The following PCDHA3 variants were observed in gnomAD, a reference collection of about 807,000 sequenced individuals.
PCDHA3 encodes the protein protocadherin alpha-3.
In PCDHA3, 41 loss-of-function variants were observed where a neutral mutation model predicts 62.2. That is an observed-to-expected ratio of 0.66 (90% CI 0.51 to 0.86). The LOEUF (loss-of-function observed/expected upper bound fraction) is 0.86. Ranked by LOEUF, PCDHA3 falls within the 40% of genes least tolerant of loss-of-function variation. The pLI, the probability that PCDHA3 is intolerant of heterozygous loss-of-function variation, is 0.00. For synonymous variants in PCDHA3, 640 were observed against 555.4 expected (o/e 1.15, Z -2.14); for missense variants, 1,304 against 1,241.2 (o/e 1.05, Z -0.76).
chr5:140,854,848 A>C (rs1384152430), intron 1 of PCDHA3, among the ~76,000 whole-genome samples: 2 of 149,876 alleles, frequency 1.3e-5, no homozygotes, highest in African/African-American at 4.9e-5. Flanking sequence ...ACATTGATAA[A>C]ATTACTAGAT....
intron 1 of PCDHA3, among the ~76,000 whole-genome samples, chr5:140,895,618 T>C (rs569188891): frequency 1.1e-4 from 16 of 152,206 alleles, no homozygotes; most frequent in African/African-American, 3.9e-4. Context: ...TCATTGAGGG[T>C]GTTGTCTTTT....
At chr5:141,004,013 G>C (rs1327248207) in intron 3 of PCDHA3, among the ~76,000 whole-genome samples, 4 of 152,124 alleles carry the variant, frequency 2.6e-5, no homozygotes, top group African/African-American at 9.7e-5. Context: ...AGGCAGCACT[G>C]AAAGAAGAAA....
chr5:140,803,808 G>T (rs1217237493), intron 1 of PCDHA3: 2 of 748,334 alleles, frequency 2.7e-6, no homozygotes, highest in Non-Finnish European at 4.2e-6. Context: ...TTGTAATTTT[G>T]TTTTGTTATT....
chr5:140,911,941 T>C (rs1554195035), intron 1 of PCDHA3, among the ~76,000 whole-genome samples: 1 of 152,132 alleles, frequency 6.6e-6, no homozygotes, highest in Non-Finnish European at 1.5e-5. Flanking sequence ...TAGATGTATA[T>C]ATAAAGGGGA....
rs573174481 is a variant in PCDHA3 at position 140,990,482 on chromosome 5, T to C, written c.2542+7919T>C. Among the ~76,000 whole-genome samples, 3 of 152,318 alleles carry C rather than the reference T, an allele frequency of 2.0e-5. No homozygotes were observed. In the South Asian group the frequency reaches 6.2e-4, roughly 32 times the overall value. On this transcript the variant is annotated intron_variant, in intron 3 of 3. Transcript: ENST00000522353. ...AGGTGGTATCATGTATCAAGCTGAA[T>C]AGTGAGGTGACATTCCCCAAGTCTT... is the stretch of plus-strand genomic sequence containing the variant.
chr5:140,869,028 G>T, intron 1 of PCDHA3: 1 of 1,526,584 alleles, frequency 6.6e-7, no homozygotes, highest in Middle Eastern at 1.8e-4. Context: ...AATTCAACGA[G>T]ATTTTTAACC....
At chr5:140,927,059 G>T (rs2153586396) in intron 1 of PCDHA3, 1 of 1,611,324 alleles carries the variant, frequency 6.2e-7, no homozygotes, top group Middle Eastern at 1.7e-4. Flanking sequence ...CGGAACTTTC[G>T]CTTCCTTTCC....
At chr5:140,959,524 C>T (rs187530929) in intron 1 of PCDHA3, among the ~76,000 whole-genome samples, 1 of 152,024 alleles carries the variant, frequency 6.6e-6, no homozygotes. Context: ...ATCTTTAAGA[C>T]CATTAATTCA....
chr5:140,879,805 A>G (rs992856039), intron 1 of PCDHA3, among the ~76,000 whole-genome samples: 1 of 152,128 alleles, frequency 6.6e-6, no homozygotes, highest in Non-Finnish European at 1.5e-5. Flanking sequence ...TCCAGTTTCT[A>G]TTGGCTGTTG....
At chr5:140,817,187 T>G (rs2126678209) in intron 1 of PCDHA3, 2 of 152,324 alleles carry the variant, frequency 1.3e-5, no homozygotes, top group South Asian at 2.1e-4. Flanking sequence ...CCCTGAAAAG[T>G]CAGAACACTG....
intron 1 of PCDHA3, chr5:140,803,813 G>A: frequency 1.4e-6 from 1 of 696,392 alleles, no homozygotes; most frequent in Non-Finnish European, 2.3e-6. Context: ...ATTTTGTTTT[G>A]TTATTAGGTG....
At chr5:140,878,571 A>G (rs531090803) in intron 1 of PCDHA3, among the ~76,000 whole-genome samples, 48 of 152,346 alleles carry the variant, frequency 3.2e-4, no homozygotes, top group African/African-American at 1.1e-3. Context: ...ATCATAGTAT[A>G]CCACTGCCCT....
At chr5:140,999,398 A>G (rs17119351) in intron 3 of PCDHA3, among the ~76,000 whole-genome samples, 13,435 of 152,202 alleles carry the variant, frequency 0.088, 686 homozygotes, top group African/African-American at 0.14. Flanking sequence ...TTTGTTTTGC[A>G]TATGAAAGAA....
At chr5:140,898,894 G>A (rs1200031286) in intron 1 of PCDHA3, among the ~76,000 whole-genome samples, 5 of 152,102 alleles carry the variant, frequency 3.3e-5, no homozygotes, top group African/African-American at 9.7e-5. Context: ...TCTCCTTGAA[G>A]AGGTCCTTCA....
intron 1 of PCDHA3, chr5:140,875,619 T>G (rs369772491): frequency 7.7e-5 from 125 of 1,613,602 alleles, no homozygotes; most frequent in African/African-American, 7.5e-4. Flanking sequence ...GCCGCATCGC[T>G]CAGGACCTGG....
intron 1 of PCDHA3, among the ~76,000 whole-genome samples, chr5:140,976,680 C>T (rs2096726528): frequency 6.6e-6 from 1 of 152,146 alleles, no homozygotes; most frequent in African/African-American, 2.4e-5. Context: ...CTCATTTTTG[C>T]AATTTAAGTA....
intron 1 of PCDHA3, chr5:140,870,474 C>G: frequency 6.2e-7 from 1 of 1,614,218 alleles, no homozygotes; most frequent in South Asian, 1.1e-5. Context: ...TCGCACAGCC[C>G]GAGTACACCG....
intron 1 of PCDHA3, chr5:140,876,536 T>C (rs782148318): frequency 1.2e-6 from 2 of 1,614,238 alleles, no homozygotes; most frequent in Non-Finnish European, 1.7e-6. Context: ...GTTACTTCAC[T>C]GTCGCTCCCT....
At chr5:140,844,807 A>G (rs2150373870) in intron 1 of PCDHA3, among the ~76,000 whole-genome samples, 3 of 148,778 alleles carry the variant, frequency 2.0e-5, no homozygotes, top group Non-Finnish European at 3.0e-5. Context: ...TCTTTCTTTT[A>G]TTTCTTCTTG....
Sources: allele counts gnomAD v4.1 joint callset (sites outside exome capture counted in the v4.1 genomes callset), GRCh38; gene constraint gnomAD v4.1.1; transcripts MANE v1.5; gene names NCBI Gene and HGNC (gene_info 2026-07-23, HGNC 2026-07-21).